The following DPY19L4 variants were observed in gnomAD, a reference collection of about 807,000 sequenced individuals.
DPY19L4 encodes dpy-19 like 4, also known as probable C-mannosyltransferase DPY19L4.
Under a neutral mutation model 102.8 loss-of-function variants are expected in DPY19L4, and 97 were observed. That is an observed-to-expected ratio of 0.94 (90% confidence interval 0.80 to 1.12). DPY19L4 has a LOEUF of 1.12. Among genes scored for constraint, DPY19L4 ranks in the 50% most tolerant of loss-of-function variants. The pLI, the probability that DPY19L4 is intolerant of heterozygous loss-of-function variation, is 0.00. For synonymous variants in DPY19L4, 252 were observed against 283.1 expected (o/e 0.89, Z 1.10); for missense variants, 815 against 850.4 (o/e 0.96, Z 0.52).
At position 94,744,762 on chromosome 8, in the gene DPY19L4, A is replaced by G. The variant is rs533929131; in HGVS notation, c.611+4972A>G. On this transcript the variant is annotated intron_variant, in intron 6 of 18. Transcript: ENST00000414645. The stretch of plus-strand genomic sequence containing the variant: ...TAGTGAGAATTGTAAGAAATAAAAT[A>G]AACAGAAGTCTGACTGCCTTATTTG... 3.4e-4 allele frequency: 118 copies of G among 344,892 alleles called. 1 individual carries two copies. Among genetic ancestry groups the G allele is most frequent in the South Asian group, 2.7e-3 (115 of 42,820 alleles). The allele number at this position is 344,892 out of a possible 1,614,324, so 21.4% of individuals were successfully genotyped here. A position where few individuals can be genotyped will look rare whatever the true frequency, so the allele number is the denominator to read the frequency against.
chr8:94,757,468 G>T (rs1356711942), intron 7 of DPY19L4, among the ~76,000 whole-genome samples: 1 of 151,786 alleles, frequency 6.6e-6, no homozygotes, highest in East Asian at 1.9e-4. Flanking sequence ...GGAGTGTGAT[G>T]GCGTGATCTC....
intron 16 of DPY19L4, among the ~76,000 whole-genome samples, chr8:94,782,266 G>A (rs909000869): frequency 6.6e-6 from 1 of 152,154 alleles, no homozygotes; most frequent in African/African-American, 2.4e-5. Flanking sequence ...CAGCTGAGGG[G>A]ATCAAATTTA....
At chr8:94,744,584 T>G (rs1192858722) in intron 6 of DPY19L4, 7 of 455,560 alleles carry the variant, frequency 1.5e-5, no homozygotes, top group Non-Finnish European at 2.6e-5. Context: ...GCTACCACAT[T>G]CAATTAACTT....
chr8:94,765,286 C>T lies in DPY19L4; in HGVS notation c.974C>T (p.Ala325Val), dbSNP rs1470508564. 1.2e-6 allele frequency: 2 copies of T among 1,608,610 alleles called. No homozygotes were observed. The highest frequency in any genetic ancestry group is 2.7e-5 in the African/African-American group (2 of 74,452). Reference sequence around the variant, plus strand: ...GTATCTCCTTTATTAAGTTTAGTAGCAGCCTTAATGCTTGCTAAGTGCCTT... The same window carrying T: ...GTATCTCCTTTATTAAGTTTAGTAGTAGCCTTAATGCTTGCTAAGTGCCTT... ...LLVSPLLSLV[A>V]ALMLAKCLQL... The change falls in exon 9 of 19, where the codon GCA becomes GTA. Residue 325 changes from alanine to valine, a missense_variant. Physicochemically the swap from Ala to Val is moderately conservative, Grantham distance 64. Transcript: ENST00000414645.
Position 94,789,837 on chromosome 8 carries a change from A to G in DPY19L4, c.2099A>G (p.Tyr700Cys), listed in dbSNP as rs1472333544. The change falls in exon 19 of 19, where the codon TAT becomes TGT. Residue 700 changes from tyrosine (Y) to cysteine (C), a missense_variant. Tyr to Cys is a radical substitution (Grantham distance 194). Transcript: ENST00000414645. Reference sequence around the variant, plus strand: ...ATTAACTATTCTCCATATGTGAATTATTTCACTAGAGTATACTGGAACAGA... The same window carrying G: ...ATTAACTATTCTCCATATGTGAATTGTTTCACTAGAGTATACTGGAACAGA... ...VKINYSPYVN[Y>C]FTRVYWNRSY... is the part of the protein sequence containing the mutation. 1.9e-6 allele frequency: 3 copies of G among 1,611,442 alleles called. No individual in the cohort carries two copies. The highest frequency in any genetic ancestry group is 2.5e-6 in the Non-Finnish European group (3 of 1,178,998).
At chr8:94,788,651 G>GCT (rs1813764265) in intron 18 of DPY19L4, among the ~76,000 whole-genome samples, 1 of 150,626 alleles carries the variant, frequency 6.6e-6, no homozygotes, top group Non-Finnish European at 1.5e-5. Flanking sequence ...ACGCGCGCGC[G>GCT]CATGTGTCTT....
chr8:94,758,470 G>A (rs570957395), intron 7 of DPY19L4, among the ~76,000 whole-genome samples: 2 of 152,204 alleles, frequency 1.3e-5, no homozygotes, highest in African/African-American at 4.8e-5. Context: ...TCAAGACATA[G>A]AACTCTTCCG....
intron 1 of DPY19L4, chr8:94,720,368 T>G (rs1810405540): frequency 1.6e-6 from 1 of 637,286 alleles, no homozygotes; most frequent in Non-Finnish European, 2.0e-6. Flanking sequence ...CAGGTTTAGG[T>G]ACTCAGTGCA....
intron 16 of DPY19L4, 118 bp from the exon 17 acceptor site, chr8:94,783,552 A>G: frequency 7.4e-7 from 1 of 1,353,030 alleles, no homozygotes; most frequent in South Asian, 1.6e-5. Context: ...GAAAACTGGC[A>G]TTGAAACTGA....
At chr8:94,772,166 C>T (rs1812965399) in intron 13 of DPY19L4, among the ~76,000 whole-genome samples, 1 of 152,046 alleles carries the variant, frequency 6.6e-6, no homozygotes, top group Non-Finnish European at 1.5e-5. Flanking sequence ...ATTCATTCTG[C>T]ACAAGTTTTT....
At chr8:94,755,402 G>A (rs906066346) in intron 6 of DPY19L4, among the ~76,000 whole-genome samples, 2 of 152,100 alleles carry the variant, frequency 1.3e-5, no homozygotes, top group African/African-American at 4.8e-5. Flanking sequence ...AGGGAGGGTG[G>A]GGCTGAAATC....
At chr8:94,720,332 G>A (rs1810403847) in intron 1 of DPY19L4, 1 of 909,286 alleles carries the variant, frequency 1.1e-6, no homozygotes, top group Admixed American at 6.2e-5. Context: ...TTGGTGAAGT[G>A]GGAGGCGCAG....
chr8:94,777,776 C>T lies in DPY19L4; in HGVS notation c.1565C>T (p.Pro522Leu), dbSNP rs923337387. Residue 522 changes from proline (P) to leucine (L), a missense_variant, in exon 14 of 19, where the codon CCA becomes CTA. Pro to Leu is a moderately conservative substitution (Grantham distance 98). Coordinates refer to ENST00000414645, the MANE Select transcript of DPY19L4 (RefSeq NM_181787.3). Reference protein sequence around the residue: ...FKWLRLRTVHPILLALILSMA... With the variant: ...FKWLRLRTVHLILLALILSMA... ...TGGCTTCGATTAAGAACTGTACACC[C>T]AATATTGTTGGTGAGTCATTATTTT... 1 of 1,609,812 alleles carries T rather than the reference C, an allele frequency of 6.2e-7. No homozygotes were observed. Among genetic ancestry groups the T allele is most frequent in the Admixed American group, 1.7e-5 (1 of 59,130 alleles).
At chr8:94,783,530 A>G (rs1813523158) in intron 16 of DPY19L4, 140 bp from the exon 17 acceptor site, 4 of 1,215,840 alleles carry the variant, frequency 3.3e-6, no homozygotes, top group Admixed American at 6.3e-5. Flanking sequence ...GAATCCATGA[A>G]TGAAATGAAA....
At position 94,765,203 on chromosome 8, in the gene DPY19L4, C is replaced by T. The variant is rs1397070672; in HGVS notation, c.891C>T (p.Ile297=). The change falls in exon 9 of 19, where the codon ATC becomes ATT. Residue 297 remains isoleucine (I), a synonymous_variant. Coordinates refer to ENST00000414645, the MANE Select transcript of DPY19L4 (RefSeq NM_181787.3). ...QSDKVYEVYK[I]YIFSLFLGYL... ...AACAGGTTTATGAAGTTTATAAAATCTACATATTTTCCCTCTTTCTGGGAT... is the reference window on the plus strand; with the variant it reads ...AACAGGTTTATGAAGTTTATAAAATTTACATATTTTCCCTCTTTCTGGGAT... The T allele has an allele frequency of 1.3e-6, 2 of 1,545,634 alleles. No individual in the cohort carries two copies. The highest frequency in any genetic ancestry group is 3.7e-5 in the Admixed American group (2 of 53,402).
chr8:94,759,500 CTTTTTTTTTTTT>C (rs1161705507), intron 7 of DPY19L4, among the ~76,000 whole-genome samples: 3 of 67,534 alleles, frequency 4.4e-5, no homozygotes, highest in East Asian at 5.0e-4. Flanking sequence ...TCTACATGTT[CTTTTTTTTTTTT>C]TTTTTTTTTT....
chr8:94,738,104 G>A (rs11992120), intron 3 of DPY19L4, among the ~76,000 whole-genome samples: 18,709 of 151,764 alleles, frequency 0.12, 1,623 homozygotes, highest in African/African-American at 0.24. Flanking sequence ...GGATCATGAG[G>A]TCAGGAGATC....
intron 1 of DPY19L4, among the ~76,000 whole-genome samples, chr8:94,720,949 G>T (rs189899886): frequency 1.1e-3 from 159 of 151,158 alleles, no homozygotes; most frequent in African/African-American, 3.7e-3. Flanking sequence ...AAGCCCCCCT[G>T]CCTTTTTTTT....
intron 1 of DPY19L4, 195 bp downstream of exon 1, chr8:94,720,209 G>C (rs1323516525): frequency 6.1e-6 from 6 of 985,282 alleles, no homozygotes; most frequent in South Asian, 4.7e-5. Context: ...ATGGCCCGAA[G>C]TTTTGTCGGC....
Sources: gnomAD v4.1 joint callset for allele counts (sites outside exome capture counted in the v4.1 genomes callset) on GRCh38, gnomAD v4.1.1 for gene constraint, MANE v1.5 for transcripts, NCBI Gene and HGNC (gene_info 2026-07-23, HGNC 2026-07-21) for gene names.